Variants in WDR72 observed in about 807,000 individuals in gnomAD.
WDR72 encodes WD repeat domain 72.
WDR72 carries 120 observed loss-of-function variants against 124.2 expected under a neutral mutation model. The observed-to-expected ratio is 0.97, with a 90% CI of 0.83 to 1.12. WDR72 has a LOEUF of 1.12. Among genes scored for constraint, WDR72 ranks in the 50% most tolerant of loss-of-function variants. The pLI, the probability that WDR72 is intolerant of heterozygous loss-of-function variation, is 0.00. For missense variants in WDR72, 1,387 were observed against 1,278.8 expected, an observed-to-expected ratio of 1.08 and a Z score of -1.29; for synonymous variants, 452 against 441.7, an observed-to-expected ratio of 1.02 and a Z score of -0.29.
At chr15:53,600,070 G>A (rs1005010691) in intron 17 of WDR72, among the ~76,000 whole-genome samples, 1 of 152,124 alleles carries the variant, frequency 6.6e-6, no homozygotes, top group South Asian at 2.1e-4. Context: ...AACTCAGTGT[G>A]AGATGAGAGA....
intron 18 of WDR72, among the ~76,000 whole-genome samples, chr15:53,584,414 T>C (rs896481552): frequency 6.6e-5 from 10 of 151,980 alleles, no homozygotes; most frequent in African/African-American, 2.4e-4. Context: ...CTCCCCTATG[T>C]AATGTCAACA....
At chr15:53,715,615 T>C (rs565986667) in intron 4 of WDR72, among the ~76,000 whole-genome samples, 1 of 152,096 alleles carries the variant, frequency 6.6e-6, no homozygotes, top group Admixed American at 6.6e-5. Context: ...TTCTAAATCA[T>C]GGAAAGCTCA....
chr15:53,609,168 T>G (rs1163907746), intron 17 of WDR72, among the ~76,000 whole-genome samples: 2 of 152,104 alleles, frequency 1.3e-5, no homozygotes, highest in African/African-American at 2.4e-5. Flanking sequence ...AAAAAAAATC[T>G]AATTTCACAT....
At chr15:53,681,499 C>G (rs2016383540) in intron 13 of WDR72, among the ~76,000 whole-genome samples, 1 of 152,078 alleles carries the variant, frequency 6.6e-6, no homozygotes, top group African/African-American at 2.4e-5. Flanking sequence ...AACTACTCAG[C>G]CAGAACTCAA....
intron 18 of WDR72, among the ~76,000 whole-genome samples, chr15:53,587,593 A>C (rs2012282316): frequency 6.6e-6 from 1 of 151,988 alleles, no homozygotes; most frequent in South Asian, 2.1e-4. Flanking sequence ...TATGAATTTC[A>C]TTTTAAGATT....
chr15:53,728,205 C>T (rs2018098629), intron 2 of WDR72, among the ~76,000 whole-genome samples: 1 of 152,226 alleles, frequency 6.6e-6, no homozygotes. Context: ...ACCTGGATGG[C>T]AGCAGGCAAA....
At position 53,617,536 on chromosome 15, in the gene WDR72, C is replaced by A. The variant is rs2013817395; in HGVS notation, c.1963-1293G>T. On this transcript the variant is annotated intron_variant, in intron 14 of 19. Coordinates refer to ENST00000360509, the MANE Select transcript of WDR72 (RefSeq NM_182758.4). ...AAATGGTAAAAAATGAAATGGAGAACAAATTATAAGAGCAAATTTGTCAAA... is the reference window on the plus strand; with the variant it reads ...AAATGGTAAAAAATGAAATGGAGAAAAAATTATAAGAGCAAATTTGTCAAA... 1.3e-5 allele frequency among the ~76,000 whole-genome samples: 2 copies of A among 151,152 alleles called. 1 individual carries two copies. The highest frequency in any genetic ancestry group is 4.2e-4 in the South Asian group (2 of 4,810).
At chr15:53,611,369 G>A (rs117507409) in intron 16 of WDR72, among the ~76,000 whole-genome samples, 2,396 of 152,104 alleles carry the variant, frequency 0.016, 41 homozygotes, top group East Asian at 0.076. Flanking sequence ...TTTTTGCTGG[G>A]GCACCCATAG....
Position 53,600,746 on chromosome 15 carries a change from T to C in WDR72, c.2953-3472A>G, listed in dbSNP as rs113504152. The stretch of plus-strand genomic sequence containing the variant: ...TCTGCTCATGCTGGCCTTTCCTGTC[T>C]TTAGGGTGTCTCCTGGAAAAGCAAC... On this transcript the variant is annotated intron_variant, in intron 17 of 19. Coordinates refer to ENST00000360509, the MANE Select transcript of WDR72 (RefSeq NM_182758.4). Among the ~76,000 whole-genome samples the C allele has an allele frequency of 1.1e-4, 16 of 152,298 alleles. 1 individual carries two copies. The highest frequency in any genetic ancestry group is 3.8e-4 in the African/African-American group (16 of 41,570).
intron 13 of WDR72, among the ~76,000 whole-genome samples, chr15:53,671,247 T>A (rs2015976770): frequency 6.6e-6 from 1 of 152,138 alleles, no homozygotes. Flanking sequence ...CAAATTAGAT[T>A]TTCTTTTTCT....
At chr15:53,572,207 T>G (rs1894555732) in intron 18 of WDR72, among the ~76,000 whole-genome samples, 1 of 152,228 alleles carries the variant, frequency 6.6e-6, no homozygotes, top group Admixed American at 6.5e-5. Flanking sequence ...GTGAAGAAGC[T>G]TTTCAGTTTG....
At chr15:53,670,704 C>T (rs1215079877) in intron 13 of WDR72, among the ~76,000 whole-genome samples, 1 of 152,110 alleles carries the variant, frequency 6.6e-6, no homozygotes, top group African/African-American at 2.4e-5. Flanking sequence ...AATAATAATC[C>T]CTACATCATG....
intron 12 of WDR72, among the ~76,000 whole-genome samples, chr15:53,701,559 T>TCTCACA (rs369568228): frequency 0.012 from 1,429 of 120,120 alleles, 17 homozygotes; most frequent in South Asian, 0.022. Context: ...TCTCTCTCTC[T>TCTCACA]CACACACACA....
chr15:53,698,774 T>G (rs980832052), intron 13 of WDR72, among the ~76,000 whole-genome samples: 3 of 152,234 alleles, frequency 2.0e-5, no homozygotes, highest in East Asian at 3.8e-4. Flanking sequence ...TGTACATTTA[T>G]GTATCACATC....
chr15:53,755,714 G>T (rs186540202), intron 1 of WDR72, among the ~76,000 whole-genome samples: 51 of 152,342 alleles, frequency 3.3e-4, no homozygotes, highest in African/African-American at 1.2e-3. Context: ...CATTACCGCA[G>T]AAAGAGAAGG....
chr15:53,675,487 TGTAC>T (rs1422047506), intron 13 of WDR72, among the ~76,000 whole-genome samples: 4 of 152,222 alleles, frequency 2.6e-5, no homozygotes, highest in South Asian at 4.1e-4. Flanking sequence ...TTTAATTAAT[TGTAC>T]AATTATCTAT....
At chr15:53,625,510 T>C (rs2140384581) in intron 14 of WDR72, among the ~76,000 whole-genome samples, 1 of 151,774 alleles carries the variant, frequency 6.6e-6, no homozygotes, top group Non-Finnish European at 1.5e-5. Context: ...AGTTTGGGAG[T>C]AAAATAATGC....
At chr15:53,688,549 CGAG>C (rs994958920) in intron 13 of WDR72, among the ~76,000 whole-genome samples, 2 of 151,946 alleles carry the variant, frequency 1.3e-5, no homozygotes, top group Admixed American at 1.3e-4. Flanking sequence ...AACCACTGCT[CGAG>C]GAAATAAAAG....
intron 14 of WDR72, among the ~76,000 whole-genome samples, chr15:53,631,986 GA>G (rs2014447960): frequency 6.6e-6 from 1 of 152,196 alleles, no homozygotes; most frequent in Non-Finnish European, 1.5e-5. Flanking sequence ...TGGTAGAAAT[GA>G]AAGGCCCATT....
Sources: allele counts gnomAD v4.1 joint callset (sites outside exome capture counted in the v4.1 genomes callset), GRCh38; gene constraint gnomAD v4.1.1; transcripts MANE v1.5; gene names NCBI Gene and HGNC (gene_info 2026-07-23, HGNC 2026-07-21).